PPARGC1A: variants seen among roughly 807,000 people sequenced by gnomAD.
The protein encoded by PPARGC1A is PPARG coactivator 1 alpha.
PPARGC1A carries 25 observed loss-of-function variants against 88.7 expected under a neutral mutation model. The ratio of observed to expected loss-of-function variants is 0.28; its 90% CI spans 0.21 to 0.39. The LOEUF is 0.39. Ranked by LOEUF, PPARGC1A falls within the 10% of genes least tolerant of loss-of-function variation. PPARGC1A has a pLI of 1.00. For synonymous variants in PPARGC1A, 363 were observed against 355.6 expected (o/e 1.02, Z -0.24); for missense variants, 880 against 968.7 (o/e 0.91, Z 1.22).
chr4:23,889,246 C>A (rs1229077636), intron 1 of PPARGC1A: 3 of 985,290 alleles, frequency 3.0e-6, no homozygotes, highest in Non-Finnish European at 3.6e-6. Context: ...TAACCATTGG[C>A]TTCCCTGCCA....
the PPARGC1A span, among the ~76,000 whole-genome samples, chr4:24,029,598 G>A: frequency 6.6e-6 from 1 of 152,110 alleles, no homozygotes; most frequent in South Asian, 2.1e-4. Flanking sequence ...AGGGTTAAAT[G>A]GGATACCATG....
intron 10 of PPARGC1A, among the ~76,000 whole-genome samples, chr4:23,811,643 T>G (rs1467594587): frequency 6.6e-6 from 1 of 152,036 alleles, no homozygotes; most frequent in Non-Finnish European, 1.5e-5. Context: ...CGGTAGGGAG[T>G]TGGGGTAAAG....
chr4:24,433,394 A>T, the PPARGC1A span, among the ~76,000 whole-genome samples: 1 of 152,138 alleles, frequency 6.6e-6, no homozygotes, highest in Non-Finnish European at 1.5e-5. Flanking sequence ...GGAGACTGTC[A>T]ACTCCTCAGC....
At chr4:23,816,723 T>C (rs1361395713) in intron 7 of PPARGC1A, among the ~76,000 whole-genome samples, 1 of 152,212 alleles carries the variant, frequency 6.6e-6, no homozygotes, top group African/African-American at 2.4e-5. Flanking sequence ...CTTTGCATGA[T>C]CACCCCAAGC....
At chr4:24,229,286 C>T in the PPARGC1A span, among the ~76,000 whole-genome samples, 3 of 149,838 alleles carry the variant, frequency 2.0e-5, no homozygotes, top group African/African-American at 7.3e-5. Flanking sequence ...CCTGAGTAGC[C>T]GGGATTACAG....
the PPARGC1A span, among the ~76,000 whole-genome samples, chr4:24,467,582 G>A: frequency 6.6e-6 from 1 of 151,968 alleles, no homozygotes. Context: ...TATGGTATTT[G>A]GACTGAATGG....
At chr4:24,271,404 G>A in the PPARGC1A span, among the ~76,000 whole-genome samples, 1 of 151,598 alleles carries the variant, frequency 6.6e-6, no homozygotes, top group Admixed American at 6.6e-5. Context: ...TTGAGATGGA[G>A]TCTCGCTCTG....
At chr4:24,238,069 C>T in the PPARGC1A span, among the ~76,000 whole-genome samples, 5 of 152,162 alleles carry the variant, frequency 3.3e-5, no homozygotes, top group African/African-American at 1.2e-4. Context: ...AGATAATAAG[C>T]GGCAGTCATG....
At chr4:23,889,290 G>A (rs1717434982) in intron 1 of PPARGC1A, 4 of 985,320 alleles carry the variant, frequency 4.1e-6, no homozygotes, top group Non-Finnish European at 4.8e-6. Context: ...ACTGCCAGGC[G>A]TTTCTTTTTA....
At chr4:24,403,823 CTT>C in the PPARGC1A span, among the ~76,000 whole-genome samples, 81 of 152,294 alleles carry the variant, frequency 5.3e-4, no homozygotes, top group Middle Eastern at 3.4e-3. Flanking sequence ...CTCTCTCTCT[CTT>C]TCTTATAATA....
the PPARGC1A span, among the ~76,000 whole-genome samples, chr4:24,267,237 T>C: frequency 6.6e-6 from 1 of 152,316 alleles, no homozygotes; most frequent in Non-Finnish European, 1.5e-5. Context: ...CATGTCCTGA[T>C]ACCATGATAA....
the PPARGC1A span, among the ~76,000 whole-genome samples, chr4:24,379,898 C>G: frequency 1.3e-5 from 2 of 151,650 alleles, no homozygotes; most frequent in African/African-American, 4.8e-5. Context: ...TCTGCCTCAG[C>G]CTCCCAAGTA....
the PPARGC1A span, among the ~76,000 whole-genome samples, chr4:23,941,197 G>A: frequency 3.3e-5 from 5 of 152,036 alleles, no homozygotes; most frequent in South Asian, 4.2e-4. Flanking sequence ...GCCTATAGGC[G>A]TGCAGCACAA....
At chr4:23,956,741 A>G in the PPARGC1A span, among the ~76,000 whole-genome samples, 18 of 152,122 alleles carry the variant, frequency 1.2e-4, no homozygotes, top group Non-Finnish European at 2.4e-4. Context: ...CCATCTCAGT[A>G]GTGGTCCAAT....
the PPARGC1A span, among the ~76,000 whole-genome samples, chr4:24,083,712 T>A: frequency 0.021 from 3,167 of 152,274 alleles, 107 homozygotes; most frequent in African/African-American, 0.066. Context: ...CCCTGAGGCA[T>A]AATTGGGCCT....
the PPARGC1A span, among the ~76,000 whole-genome samples, chr4:24,282,434 A>G: frequency 2.6e-5 from 4 of 152,218 alleles, no homozygotes; most frequent in African/African-American, 7.2e-5. Flanking sequence ...CCCCCAAATC[A>G]GCTGCATAAC....
the PPARGC1A span, among the ~76,000 whole-genome samples, chr4:23,947,007 T>C: frequency 6.6e-6 from 1 of 152,154 alleles, no homozygotes. Flanking sequence ...ATTTGATTTG[T>C]ACTAATCAGC....
At chr4:23,997,788 G>A in the PPARGC1A span, among the ~76,000 whole-genome samples, 324 of 152,162 alleles carry the variant, frequency 2.1e-3, no homozygotes, top group African/African-American at 7.5e-3. Context: ...CACCGTGCCT[G>A]GCCAAAATCC....
intron 2 of PPARGC1A, among the ~76,000 whole-genome samples, chr4:23,861,136 T>C (rs754292542): frequency 3.9e-5 from 6 of 152,234 alleles, no homozygotes; most frequent in Non-Finnish European, 8.8e-5. Flanking sequence ...GTGGGAGTGG[T>C]TGAGAGCACT....
Sources: allele counts gnomAD v4.1 joint callset (sites outside exome capture counted in the v4.1 genomes callset), GRCh38; gene constraint gnomAD v4.1.1; transcripts MANE v1.5; gene names NCBI Gene and HGNC (gene_info 2026-07-23, HGNC 2026-07-21).